ZC3H8: variants seen among roughly 807,000 people sequenced by gnomAD.
ZC3H8 encodes the protein zinc finger CCCH-type containing 8.
In ZC3H8, 27 loss-of-function variants were observed where a neutral mutation model predicts 42.5. That is an observed-to-expected ratio of 0.64 (90% CI 0.47 to 0.88). The LOEUF (loss-of-function observed/expected upper bound fraction) is 0.88. ZC3H8 is among the 40% of genes least tolerant of loss of function. The pLI, the probability that ZC3H8 is intolerant of heterozygous loss-of-function variation, is 0.00. For synonymous variants in ZC3H8, 101 were observed against 110.1 expected (o/e 0.92, Z 0.52); for missense variants, 277 against 336.1 (o/e 0.82, Z 1.37).
intron 1 of ZC3H8, among the ~76,000 whole-genome samples, chr2:112,250,738 T>C (rs555672667): frequency 2.2e-4 from 33 of 152,302 alleles, no homozygotes; most frequent in African/African-American, 7.9e-4. Flanking sequence ...CAACCCAGAC[T>C]TGGGGATCAG....
chr2:112,236,045 C>A (rs1685311547), intron 4 of ZC3H8, among the ~76,000 whole-genome samples: 1 of 151,806 alleles, frequency 6.6e-6, no homozygotes, highest in Non-Finnish European at 1.5e-5. Context: ...AGGTGGATCA[C>A]CTGAGGTCAG....
At chr2:112,240,693 G>A (rs147364747) in intron 2 of ZC3H8, among the ~76,000 whole-genome samples, 99 of 152,268 alleles carry the variant, frequency 6.5e-4, no homozygotes, top group African/African-American at 2.2e-3. Flanking sequence ...TTATTATACA[G>A]TAGGGATAAA....
intron 2 of ZC3H8, 58 bp downstream of exon 2, chr2:112,250,133 G>A: frequency 7.7e-7 from 1 of 1,305,442 alleles, no homozygotes; most frequent in Non-Finnish European, 1.0e-6. Flanking sequence ...TGTTCCATGT[G>A]AAACTGAGAA....
At chr2:112,240,995 ATG>A (rs1306786336) in intron 2 of ZC3H8, among the ~76,000 whole-genome samples, 5 of 126,332 alleles carry the variant, frequency 4.0e-5, no homozygotes, top group Admixed American at 8.0e-5. Context: ...GCGCGTGTGT[ATG>A]TGTGTTGTGT....
Position 112,238,411 on chromosome 2 carries a change from TG to T in ZC3H8, c.273del (p.Glu93SerfsTer26). On this transcript the variant is annotated frameshift_variant, in exon 3 of 9. Transcript: ENST00000409573. LOFTEE classifies it high-confidence loss of function. ...ICSQESEDNF[A>X]KELQQYIQAR... ...GCTTGTATGTACTGTTGAAGCTCTT[TG>T]GCAAAATTATCTTCTGATTCCTGAC... 1 of 1,613,766 alleles carries T rather than the reference TG, an allele frequency of 6.2e-7. No individual in the cohort carries two copies. The highest frequency in any genetic ancestry group is 8.5e-7 in the Non-Finnish European group (1 of 1,179,890).
At chr2:112,227,654 GAAAT>G (rs1684902947) in intron 8 of ZC3H8, among the ~76,000 whole-genome samples, 1 of 152,056 alleles carries the variant, frequency 6.6e-6, no homozygotes, top group African/African-American at 2.4e-5. Context: ...ATCAATAACA[GAAAT>G]AAATTCTATT....
intron 2 of ZC3H8, among the ~76,000 whole-genome samples, chr2:112,238,827 C>T (rs1376472386): frequency 6.6e-6 from 1 of 152,196 alleles, no homozygotes; most frequent in East Asian, 1.9e-4. Context: ...AATTAAAAGT[C>T]TAAACCCCTA....
chr2:112,213,380 C>T lies in ZC3H8; in HGVS notation c.*3104G>A, dbSNP rs1229402723. On this transcript the variant is annotated 3_prime_UTR_variant, in exon 9 of 9. Coordinates refer to ENST00000409573, the MANE Select transcript of ZC3H8 (RefSeq NM_032494.3). Reference sequence around the variant, plus strand: ...GAAACCTATTAAAACAGGGGACAGTCATTTAACATCTCGGGGTCTGAATTC... The same window carrying T: ...GAAACCTATTAAAACAGGGGACAGTTATTTAACATCTCGGGGTCTGAATTC... 1 of 152,026 alleles carries T rather than the reference C, an allele frequency of 6.6e-6. No homozygotes were observed. The highest frequency in any genetic ancestry group is 1.5e-5 in the Non-Finnish European group (1 of 68,010). The allele number at this position is 152,026 out of a possible 1,614,324, so 9.4% of individuals were successfully genotyped here. A position where few individuals can be genotyped will look rare whatever the true frequency, so the allele number is the denominator to read the frequency against.
chr2:112,222,029 T>G (rs891678804), intron 8 of ZC3H8, among the ~76,000 whole-genome samples: 4 of 152,088 alleles, frequency 2.6e-5, no homozygotes, highest in African/African-American at 9.7e-5. Flanking sequence ...GTCCTTTGGG[T>G]AGATTTTTTG....
chr2:112,233,980 G>A (rs1685207572), intron 5 of ZC3H8, 140 bp downstream of exon 5: 2 of 546,344 alleles, frequency 3.7e-6, no homozygotes, highest in African/African-American at 4.0e-5. Context: ...AAACATAAAA[G>A]AATACTTCAC....
intron 2 of ZC3H8, among the ~76,000 whole-genome samples, chr2:112,245,800 T>A (rs1558932592): frequency 6.6e-6 from 1 of 152,216 alleles, no homozygotes; most frequent in East Asian, 1.9e-4. Context: ...TGGAAAAAGA[T>A]GCCACTTGGG....
intron 7 of ZC3H8, among the ~76,000 whole-genome samples, chr2:112,231,233 C>G (rs972628797): frequency 6.6e-6 from 1 of 152,112 alleles, no homozygotes; most frequent in Non-Finnish European, 1.5e-5. Flanking sequence ...GCACCTTTGA[C>G]TTTGTAATAT....
chr2:112,248,428 TAA>T (rs998912689), intron 2 of ZC3H8, among the ~76,000 whole-genome samples: 19 of 152,262 alleles, frequency 1.2e-4, no homozygotes, highest in Admixed American at 3.9e-4. Context: ...GATACACTAT[TAA>T]AGTCTATTTC....
chr2:112,234,161 T>C lies in ZC3H8; in HGVS notation c.580A>G (p.Lys194Glu). ...INQHTVERKG[K>E]QICKYFLERK... ...TCAAGAAAATATTTACAAATTTGTTTTCCCTTGCGTTCCACTGTATGTTGG... is the reference window on the plus strand; with the variant it reads ...TCAAGAAAATATTTACAAATTTGTTCTCCCTTGCGTTCCACTGTATGTTGG... Residue 194 changes from lysine (K) to glutamate (E), a missense_variant, in exon 5 of 9, where the codon AAA (lysine) becomes GAA (glutamate). Physicochemically the swap from Lys to Glu is moderately conservative, Grantham distance 56 (BLOSUM62 1). Coordinates refer to ENST00000409573, the MANE Select transcript of ZC3H8 (RefSeq NM_032494.3). The C allele has an allele frequency of 6.2e-7, 1 of 1,606,350 alleles. No individual in the cohort carries two copies. Among genetic ancestry groups the C allele is most frequent in the Non-Finnish European group, 8.5e-7 (1 of 1,176,790 alleles).
At chr2:112,234,008 T>G (rs1685209588) in intron 5 of ZC3H8, 112 bp downstream of exon 5, 2 of 638,894 alleles carry the variant, frequency 3.1e-6, no homozygotes, top group Non-Finnish European at 2.4e-6. Context: ...TTCTAACTGA[T>G]TTTTTTCCAG....
intron 1 of ZC3H8, 73 bp downstream of exon 1, chr2:112,254,835 C>G (rs1686069373): frequency 6.5e-7 from 1 of 1,528,788 alleles, no homozygotes; most frequent in East Asian, 2.4e-5. Flanking sequence ...GGACTGCCTC[C>G]AATCCAGAAG....
At chr2:112,241,817 ATT>A (rs2104664163) in intron 2 of ZC3H8, among the ~76,000 whole-genome samples, 1 of 152,314 alleles carries the variant, frequency 6.6e-6, no homozygotes, top group East Asian at 1.9e-4. Context: ...ACTCTATAGC[ATT>A]TGTTTTTAAT....
chr2:112,241,549 T>A (rs1464312679), intron 2 of ZC3H8, among the ~76,000 whole-genome samples: 3 of 152,314 alleles, frequency 2.0e-5, no homozygotes, highest in Non-Finnish European at 4.4e-5. Context: ...TTCATCAACC[T>A]CCAAATTGAC....
intron 8 of ZC3H8, among the ~76,000 whole-genome samples, chr2:112,227,831 G>A (rs1035097309): frequency 2.6e-5 from 4 of 151,204 alleles, no homozygotes; most frequent in Admixed American, 1.3e-4. Flanking sequence ...TAAATAAATG[G>A]AGAGACATTC....
Sources: gnomAD v4.1 joint callset for allele counts (sites outside exome capture counted in the v4.1 genomes callset) on GRCh38, gnomAD v4.1.1 for gene constraint, MANE v1.5 for transcripts, NCBI Gene and HGNC (gene_info 2026-07-23, HGNC 2026-07-21) for gene names.